The following ABTB3 variants were observed in gnomAD, a reference collection of about 807,000 sequenced individuals.
ABTB3 encodes ankyrin repeat- and BTB/POZ domain-containing protein 3.
At chr12:107,475,766 G>A in the ABTB3 span, among the ~76,000 whole-genome samples, 1 of 151,938 alleles carries the variant, frequency 6.6e-6, no homozygotes, top group East Asian at 1.9e-4. Context: ...GAATAAAGCT[G>A]GACCTTTTGC....
chr12:107,331,891 C>T, the ABTB3 span, among the ~76,000 whole-genome samples: 2 of 152,216 alleles, frequency 1.3e-5, no homozygotes, highest in South Asian at 2.1e-4. Context: ...GGCCTCCCCC[C>T]CGCCCCACCT....
the ABTB3 span, among the ~76,000 whole-genome samples, chr12:107,516,796 G>C: frequency 6.6e-6 from 1 of 152,266 alleles, no homozygotes; most frequent in South Asian, 2.1e-4. Context: ...TTAACTTCTG[G>C]TCTTGGCATT....
the ABTB3 span, among the ~76,000 whole-genome samples, chr12:107,555,418 GC>G: frequency 6.6e-6 from 1 of 152,190 alleles, no homozygotes; most frequent in East Asian, 1.9e-4. Flanking sequence ...TTAAGAAACA[GC>G]TCTCTCTCAC....
the ABTB3 span, among the ~76,000 whole-genome samples, chr12:107,328,017 G>T: frequency 6.6e-6 from 1 of 152,096 alleles, no homozygotes; most frequent in South Asian, 2.1e-4. Flanking sequence ...AATTCCTTCC[G>T]CATTCCAATG....
the ABTB3 span, among the ~76,000 whole-genome samples, chr12:107,344,480 T>C: frequency 6.6e-6 from 1 of 152,358 alleles, no homozygotes; most frequent in African/African-American, 2.4e-5. Context: ...AGTGGATATT[T>C]CCAGCCCCAG....
At chr12:107,374,509 T>G in the ABTB3 span, among the ~76,000 whole-genome samples, 5 of 152,156 alleles carry the variant, frequency 3.3e-5, no homozygotes, top group Non-Finnish European at 7.4e-5. Context: ...TTTTCCTGAG[T>G]GCTTTCATCC....
the ABTB3 span, chr12:107,319,919 G>GCCGCCGCCGTCCCGCCGA: frequency 1.1e-5 from 16 of 1,462,724 alleles, no homozygotes; most frequent in Non-Finnish European, 1.5e-5. Flanking sequence ...AGTCCCGCCG[G>GCCGCCGCCGTCCCGCCGA]CAGCCGCCGC....
the ABTB3 span, among the ~76,000 whole-genome samples, chr12:107,364,103 C>T: frequency 6.6e-6 from 1 of 152,120 alleles, no homozygotes; most frequent in African/African-American, 2.4e-5. Context: ...GTGTACTTGT[C>T]ACTCATGCAG....
chr12:107,324,988 C>G, the ABTB3 span, among the ~76,000 whole-genome samples: 1 of 152,256 alleles, frequency 6.6e-6, no homozygotes, highest in East Asian at 1.9e-4. Context: ...GAAGAAAACC[C>G]AAACCGAACG....
the ABTB3 span, among the ~76,000 whole-genome samples, chr12:107,351,514 C>T: frequency 1.3e-5 from 2 of 152,202 alleles, no homozygotes; most frequent in African/African-American, 4.8e-5. Context: ...ACTTAATCCT[C>T]AGTGCACCAG....
chr12:107,553,425 C>T, the ABTB3 span, among the ~76,000 whole-genome samples: 1 of 152,122 alleles, frequency 6.6e-6, no homozygotes, highest in Non-Finnish European at 1.5e-5. Flanking sequence ...CACATTGGGG[C>T]AACTCTATAA....
the ABTB3 span, among the ~76,000 whole-genome samples, chr12:107,495,334 A>G: frequency 6.6e-6 from 1 of 152,196 alleles, no homozygotes; most frequent in Non-Finnish European, 1.5e-5. Flanking sequence ...TGTGCTCTGC[A>G]GGCAGAACAG....
At chr12:107,385,248 G>GT in the ABTB3 span, among the ~76,000 whole-genome samples, 4 of 152,222 alleles carry the variant, frequency 2.6e-5, no homozygotes, top group Non-Finnish European at 5.9e-5. Context: ...TCCTCATGGA[G>GT]TTTGCCTTCT....
chr12:107,462,712 G>C, the ABTB3 span, among the ~76,000 whole-genome samples: 2 of 151,906 alleles, frequency 1.3e-5, no homozygotes, highest in East Asian at 3.9e-4. Flanking sequence ...TGGTGGTGAT[G>C]ATAATAGTGG....
the ABTB3 span, among the ~76,000 whole-genome samples, chr12:107,588,480 G>A: frequency 2.0e-5 from 3 of 152,164 alleles, no homozygotes; most frequent in African/African-American, 7.2e-5. Flanking sequence ...AGGACAATGT[G>A]GGAGAAGTAC....
chr12:107,560,219 T>C, the ABTB3 span, among the ~76,000 whole-genome samples: 4 of 152,338 alleles, frequency 2.6e-5, no homozygotes, highest in African/African-American at 7.2e-5. Flanking sequence ...TTGTTTCCAG[T>C]GTGCGAATTA....
chr12:107,569,617 T>A, the ABTB3 span, among the ~76,000 whole-genome samples: 2 of 152,202 alleles, frequency 1.3e-5, no homozygotes, highest in South Asian at 4.1e-4. Flanking sequence ...AAGGTTTTTG[T>A]CCTTTTTTTG....
the ABTB3 span, chr12:107,319,058 G>A: frequency 2.5e-6 from 4 of 1,613,374 alleles, no homozygotes; most frequent in Admixed American, 1.7e-5. Flanking sequence ...GTGCTGTTCC[G>A]ACTCGCACCC....
chr12:107,582,232 T>C, the ABTB3 span, among the ~76,000 whole-genome samples: 1 of 152,194 alleles, frequency 6.6e-6, no homozygotes, highest in South Asian at 2.1e-4. Context: ...TAGCATTTAT[T>C]GGATGTTTAC....
Sources: allele counts gnomAD v4.1 joint callset (sites outside exome capture counted in the v4.1 genomes callset), GRCh38; gene constraint gnomAD v4.1.1; transcripts MANE v1.5; gene names NCBI Gene and HGNC (gene_info 2026-07-23, HGNC 2026-07-21).